MAGI2: variants seen among roughly 807,000 people sequenced by gnomAD.
MAGI2 encodes the protein membrane-associated guanylate kinase, WW and PDZ domain-containing protein 2.
In MAGI2, 35 loss-of-function variants were observed where a neutral mutation model predicts 133.3. The observed-to-expected ratio is 0.26, with a 90% CI of 0.20 to 0.35. The LOEUF (loss-of-function observed/expected upper bound fraction) is 0.35, where lower values mean the gene tolerates loss of function less well. MAGI2 is among the 10% of genes least tolerant of loss of function. The pLI is 1.00. For synonymous variants in MAGI2, 729 were observed against 710.6 expected (o/e 1.03, Z -0.41); for missense variants, 1,636 against 1,863.4 (o/e 0.88, Z 2.25).
At chr7:78,076,021 C>T (rs1815250486) in intron 21 of MAGI2, among the ~76,000 whole-genome samples, 1 of 152,124 alleles carries the variant, frequency 6.6e-6, no homozygotes, top group South Asian at 2.1e-4. Context: ...CAGTCAAAAT[C>T]CATCTCAATT....
chr7:78,821,351 A>G (rs1346636290), intron 2 of MAGI2, among the ~76,000 whole-genome samples: 3 of 152,024 alleles, frequency 2.0e-5, no homozygotes, highest in Non-Finnish European at 4.4e-5. Flanking sequence ...TTCTCTCTCT[A>G]TTGGGAGAAA....
intron 2 of MAGI2, among the ~76,000 whole-genome samples, chr7:78,868,303 A>G (rs1794749180): frequency 6.6e-6 from 1 of 152,218 alleles, no homozygotes; most frequent in Admixed American, 6.5e-5. Context: ...GCTCAAAACA[A>G]TTCTATTTGT....
chr7:78,295,518 C>CAT (rs1797138768), intron 9 of MAGI2, among the ~76,000 whole-genome samples: 1 of 152,178 alleles, frequency 6.6e-6, no homozygotes, highest in Non-Finnish European at 1.5e-5. Flanking sequence ...TATCATCGCA[C>CAT]ATATATGATC....
chr7:78,176,475 G>A (rs1246575189), intron 14 of MAGI2, among the ~76,000 whole-genome samples: 1 of 151,972 alleles, frequency 6.6e-6, no homozygotes, highest in Non-Finnish European at 1.5e-5. Context: ...CAATCATCTA[G>A]TTCAACTCCT....
intron 1 of MAGI2, among the ~76,000 whole-genome samples, chr7:79,402,711 T>C (rs1175799788): frequency 6.6e-6 from 1 of 152,126 alleles, no homozygotes; most frequent in African/African-American, 2.4e-5. Context: ...CCTGTAAACC[T>C]AGAACTTTGG....
intron 2 of MAGI2, among the ~76,000 whole-genome samples, chr7:78,763,693 T>C (rs1239959566): frequency 6.6e-6 from 1 of 151,168 alleles, no homozygotes; most frequent in African/African-American, 2.4e-5. Flanking sequence ...CCCTAAAGAG[T>C]CCAATTATCT....
chr7:78,698,818 G>A lies in MAGI2; in HGVS notation c.419-71579C>T, dbSNP rs780372849. On this transcript the variant is annotated intron_variant, in intron 2 of 21. Coordinates refer to ENST00000354212, the MANE Select transcript of MAGI2 (RefSeq NM_012301.4). ...GCCCCTTACAAAACCATCAGATCTC[G>A]TGAGAACTCACTATCAGAAGAACAG... 2.0e-5 allele frequency among the ~76,000 whole-genome samples: 3 copies of A among 152,024 alleles called. No homozygotes were observed. In the East Asian group the frequency reaches 5.8e-4, roughly 30 times the overall value.
intron 2 of MAGI2, among the ~76,000 whole-genome samples, chr7:78,912,388 G>A (rs1041577472): frequency 1.3e-5 from 2 of 152,154 alleles, no homozygotes; most frequent in Non-Finnish European, 2.9e-5. Flanking sequence ...AGGATACAAA[G>A]TATTGATCCT....
intron 1 of MAGI2, among the ~76,000 whole-genome samples, chr7:79,389,419 T>A (rs1198571190): frequency 1.3e-5 from 2 of 152,108 alleles, no homozygotes; most frequent in African/African-American, 4.8e-5. Flanking sequence ...GAAGACTAAC[T>A]TATGAATGTG....
intron 6 of MAGI2, among the ~76,000 whole-genome samples, chr7:78,388,462 G>A (rs190273641): frequency 1.2e-3 from 176 of 152,260 alleles, no homozygotes; most frequent in Non-Finnish European, 2.2e-3. Context: ...AGGCTTTCTG[G>A]AACTACCTGA....
intron 1 of MAGI2, among the ~76,000 whole-genome samples, chr7:79,152,249 A>G (rs1585056061): frequency 6.6e-6 from 1 of 152,174 alleles, no homozygotes; most frequent in East Asian, 1.9e-4. Flanking sequence ...TCGAAACTGA[A>G]TTTGAAAAGC....
intron 2 of MAGI2, among the ~76,000 whole-genome samples, chr7:78,676,771 GAT>G (rs2151085769): frequency 6.6e-6 from 1 of 152,128 alleles, no homozygotes; most frequent in South Asian, 2.1e-4. Flanking sequence ...GATGAACGTG[GAT>G]ATTATACTAA....
At chr7:79,315,507 C>T (rs1336661563) in intron 1 of MAGI2, among the ~76,000 whole-genome samples, 2 of 151,798 alleles carry the variant, frequency 1.3e-5, no homozygotes, top group Non-Finnish European at 2.9e-5. Context: ...TGATCTGACC[C>T]ACCAAATTTC....
chr7:79,367,858 CATAT>C (rs367920302), intron 1 of MAGI2, among the ~76,000 whole-genome samples: 1,867 of 87,118 alleles, frequency 0.021, 208 homozygotes, highest in African/African-American at 0.083. Context: ...ATATATGTGA[CATAT>C]ATATATATAT....
At chr7:79,021,450 C>T (rs369267315) in intron 1 of MAGI2, among the ~76,000 whole-genome samples, 3 of 152,332 alleles carry the variant, frequency 2.0e-5, no homozygotes, top group East Asian at 3.9e-4. Context: ...CCATGTGAGC[C>T]CACTTCTTGC....
chr7:78,659,362 T>C (rs1011250314), intron 2 of MAGI2, among the ~76,000 whole-genome samples: 1 of 137,396 alleles, frequency 7.3e-6, no homozygotes, highest in Non-Finnish European at 1.5e-5. Context: ...GAGGTGAAGG[T>C]TGCAGTGAGC....
At position 78,195,057 on chromosome 7, in the gene MAGI2, C is replaced by G. The variant is rs200623830; in HGVS notation, c.2086G>C (p.Asp696His). Residue 696 changes from aspartate (D) to histidine (H), a missense_variant, in exon 12 of 22, where the codon GAC (aspartate) becomes CAC (histidine). Coordinates refer to ENST00000354212, the MANE Select transcript of MAGI2 (RefSeq NM_012301.4). ...SPWKTPKPIM[D>H]RWENQGSPQT... The stretch of plus-strand genomic sequence containing the variant: ...GGACTGCCTTGATTCTCCCATCGGT[C>G]CATTATCTGAAAAGTGACAGAGGAC... 5 of 1,600,978 alleles carry G rather than the reference C, an allele frequency of 3.1e-6. No individual in the cohort carries two copies. The highest frequency in any genetic ancestry group is 4.3e-6 in the Non-Finnish European group (5 of 1,175,036).
Position 79,453,378 on chromosome 7 carries a change from T to C in MAGI2, c.-58A>G. On this transcript the variant is annotated 5_prime_UTR_variant, in exon 1 of 22. Coordinates refer to ENST00000354212, the MANE Select transcript of MAGI2 (RefSeq NM_012301.4). ...TCCTTGGGGTTAGGGGGGCTGGTGG[T>C]GAGAGAATGAGGATGGAGGAGCAAG... 2.6e-6 allele frequency: 4 copies of C among 1,533,380 alleles called. No individual in the cohort carries two copies. The highest frequency in any genetic ancestry group is 3.5e-6 in the Non-Finnish European group (4 of 1,143,826). 95.0% of individuals were successfully genotyped at this position (1,533,380 alleles called of 1,614,324 possible).
intron 1 of MAGI2, among the ~76,000 whole-genome samples, chr7:79,268,868 T>C (rs1229974809): frequency 6.6e-6 from 1 of 152,172 alleles, no homozygotes; most frequent in Non-Finnish European, 1.5e-5. Context: ...GGGCACAGGA[T>C]AGATGATGAC....
Sources: gnomAD v4.1 joint callset for allele counts (sites outside exome capture counted in the v4.1 genomes callset) on GRCh38, gnomAD v4.1.1 for gene constraint, MANE v1.5 for transcripts, NCBI Gene and HGNC (gene_info 2026-07-23, HGNC 2026-07-21) for gene names.